Variants in DACH1 observed in about 807,000 individuals in gnomAD.
The protein encoded by DACH1 is dachshund family transcription factor 1.
Under a neutral mutation model 54.2 loss-of-function variants are expected in DACH1, and 12 were observed. That is an observed-to-expected ratio of 0.22 (90% CI 0.14 to 0.36). DACH1 has a LOEUF of 0.36. Among genes scored for constraint, DACH1 ranks in the 10% least tolerant of loss-of-function variants. The pLI, the probability that DACH1 is intolerant of heterozygous loss-of-function variation, is 1.00. For missense variants in DACH1, 805 were observed against 929.8 expected, an observed-to-expected ratio of 0.87 and a Z score of 1.75; for synonymous variants, 386 against 366.2, an observed-to-expected ratio of 1.05 and a Z score of -0.62.
intron 1 of DACH1, among the ~76,000 whole-genome samples, chr13:71,855,116 T>C (rs1017346240): frequency 1.3e-5 from 2 of 152,110 alleles, no homozygotes. Flanking sequence ...ATTGATTTAG[T>C]ATAATTATTA....
chr13:71,447,831 C>T (rs1874611069), intron 10 of DACH1, among the ~76,000 whole-genome samples: 1 of 150,498 alleles, frequency 6.6e-6, no homozygotes, highest in African/African-American at 2.4e-5. Flanking sequence ...AAAAAACCCA[C>T]TCACATTATG....
In DACH1 at chr13:71,559,965, C is replaced by T; in HGVS notation, c.1300-10G>A. ...TATCAGGAACACGCTCCTGCACCAG[C>T]AAGAGAGGGAAGGAGGGTAGAAAAG... is the stretch of plus-strand genomic sequence containing the variant. On this transcript the variant is annotated splice_polypyrimidine_tract_variant and intron_variant, in intron 4 of 10. Transcript: ENST00000613252. The T allele has an allele frequency of 1.3e-6, 2 of 1,520,128 alleles. No individual in the cohort carries two copies. Among genetic ancestry groups the T allele is most frequent in the Non-Finnish European group, 1.8e-6 (2 of 1,136,016 alleles). The allele number at this position is 1,520,128 out of a possible 1,614,324, so 94.2% of individuals were successfully genotyped here. A position where few individuals can be genotyped will look rare whatever the true frequency, so the allele number is the denominator to read the frequency against.
intron 3 of DACH1, among the ~76,000 whole-genome samples, chr13:71,577,067 C>G (rs1337681306): frequency 1.3e-5 from 2 of 152,090 alleles, no homozygotes; most frequent in African/African-American, 2.4e-5. Flanking sequence ...CCTAACTGCA[C>G]AAGTCCCTCA....
intron 7 of DACH1, among the ~76,000 whole-genome samples, chr13:71,485,995 A>T (rs1388103548): frequency 1.3e-5 from 2 of 151,906 alleles, no homozygotes; most frequent in East Asian, 3.9e-4. Flanking sequence ...TAAATTTTAA[A>T]ATAAAAATTT....
chr13:71,597,723 C>G (rs1317080402), intron 3 of DACH1, among the ~76,000 whole-genome samples: 1 of 152,176 alleles, frequency 6.6e-6, no homozygotes, highest in Non-Finnish European at 1.5e-5. Flanking sequence ...CTTCCTGTTA[C>G]ATTGTGTTGA....
chr13:71,560,277 C>G (rs1366277951), intron 4 of DACH1, among the ~76,000 whole-genome samples: 1 of 152,058 alleles, frequency 6.6e-6, no homozygotes, highest in African/African-American at 2.4e-5. Context: ...ACAAAGATCT[C>G]AGAGAATAAA....
At chr13:71,442,307 C>T (rs757914164) in intron 10 of DACH1, among the ~76,000 whole-genome samples, 1 of 152,066 alleles carries the variant, frequency 6.6e-6, no homozygotes, top group Non-Finnish European at 1.5e-5. Context: ...CCTTTCTGTG[C>T]TTGGCTTATT....
intron 1 of DACH1, among the ~76,000 whole-genome samples, chr13:71,829,505 G>T (rs924699764): frequency 6.6e-6 from 1 of 151,882 alleles, no homozygotes; most frequent in Admixed American, 6.6e-5. Context: ...AATTAAATTT[G>T]CTTTATATAC....
At chr13:71,733,889 A>C (rs2137919525) in intron 1 of DACH1, among the ~76,000 whole-genome samples, 1 of 152,122 alleles carries the variant, frequency 6.6e-6, no homozygotes, top group South Asian at 2.1e-4. Flanking sequence ...TCTCTACTAA[A>C]AATACAACAA....
In DACH1 at chr13:71,767,129, C is replaced by T. The variant is rs555435015; in HGVS notation, c.849-85219G>A. ...CAAATTAAAACATCATATTACTTTG[C>T]AATTAATATATATTTAACACTGTTT... On this transcript the variant is annotated intron_variant, in intron 1 of 10. Transcript: ENST00000613252. Among the ~76,000 whole-genome samples, 537 of 151,894 alleles carry T rather than the reference C, an allele frequency of 3.5e-3. 2 individuals carry two copies. The highest frequency in any genetic ancestry group is 0.012 in the African/African-American group (501 of 41,470).
At chr13:71,615,904 A>T (rs985148545) in intron 3 of DACH1, among the ~76,000 whole-genome samples, 3 of 152,136 alleles carry the variant, frequency 2.0e-5, no homozygotes, top group Non-Finnish European at 4.4e-5. Flanking sequence ...TAGTGATTGC[A>T]GTGTATCAAG....
At chr13:71,451,890 A>G (rs1202098536) in intron 10 of DACH1, among the ~76,000 whole-genome samples, 2 of 152,212 alleles carry the variant, frequency 1.3e-5, no homozygotes, top group South Asian at 2.1e-4. Context: ...ATACAAGAGA[A>G]CATCTTTATT....
chr13:71,487,884 A>C (rs2138200962), intron 7 of DACH1, among the ~76,000 whole-genome samples: 1 of 152,332 alleles, frequency 6.6e-6, no homozygotes, highest in Non-Finnish European at 1.5e-5. Context: ...GGTGAAATTT[A>C]GAAAGAAAAG....
At chr13:71,465,325 T>C (rs1156433490) in intron 10 of DACH1, among the ~76,000 whole-genome samples, 1 of 152,128 alleles carries the variant, frequency 6.6e-6, no homozygotes, top group South Asian at 2.1e-4. Context: ...GTTCTTTTTC[T>C]GTTACTTAAA....
chr13:71,508,335 C>G (rs1163099773), intron 6 of DACH1, among the ~76,000 whole-genome samples: 1 of 152,154 alleles, frequency 6.6e-6, no homozygotes, highest in Non-Finnish European at 1.5e-5. Context: ...TCTGTTCCCT[C>G]TCATGATGAT....
intron 3 of DACH1, among the ~76,000 whole-genome samples, chr13:71,599,353 A>G (rs1246021337): frequency 6.6e-6 from 1 of 152,206 alleles, no homozygotes; most frequent in Non-Finnish European, 1.5e-5. Flanking sequence ...CAGGTATTAA[A>G]GAGGTTTATG....
At chr13:71,475,921 C>T in intron 8 of DACH1, 72 bp from the exon 9 acceptor site, 1 of 1,154,690 alleles carries the variant, frequency 8.7e-7, no homozygotes, top group Non-Finnish European at 1.1e-6. Context: ...TCCAAATGGT[C>T]TATATTTTTT....
intron 10 of DACH1, among the ~76,000 whole-genome samples, chr13:71,442,715 A>G (rs1294128290): frequency 6.6e-6 from 1 of 152,044 alleles, no homozygotes; most frequent in Non-Finnish European, 1.5e-5. Flanking sequence ...ATACATACCT[A>G]TGATAAAGCT....
At chr13:71,719,063 A>G (rs572147400) in intron 1 of DACH1, among the ~76,000 whole-genome samples, 8 of 152,076 alleles carry the variant, frequency 5.3e-5, no homozygotes, top group African/African-American at 1.9e-4. Context: ...TACTCCTCCC[A>G]TTGACATTTA....
Sources: allele counts gnomAD v4.1 joint callset (sites outside exome capture counted in the v4.1 genomes callset), GRCh38; gene constraint gnomAD v4.1.1; transcripts MANE v1.5; gene names NCBI Gene and HGNC (gene_info 2026-07-23, HGNC 2026-07-21).